Variants in HTR3B observed in about 807,000 individuals in gnomAD.
HTR3B encodes 5-hydroxytryptamine (serotonin) receptor 3B, ionotropic.
A neutral mutation model predicts 42.8 loss-of-function variants in HTR3B; 44 were observed. That is an observed-to-expected ratio of 1.03 (90% CI 0.81 to 1.32). The LOEUF is 1.32. Ranked by LOEUF, HTR3B falls within the 40% of genes most tolerant of loss-of-function variation. HTR3B has a pLI of 0.00. For synonymous variants in HTR3B, 203 were observed against 209.0 expected, an observed-to-expected ratio of 0.97 and a Z score of 0.25; for missense variants, 527 against 536.5, an observed-to-expected ratio of 0.98 and a Z score of 0.17.
intron 2 of HTR3B, among the ~76,000 whole-genome samples, chr11:113,928,651 C>T (rs1950000337): frequency 6.6e-6 from 1 of 152,172 alleles, no homozygotes. Flanking sequence ...ATTCTCCTGC[C>T]TCAGCCTCCC....
intron 3 of HTR3B, 78 bp downstream of exon 3, chr11:113,931,506 A>G: frequency 1.1e-6 from 1 of 899,248 alleles, no homozygotes. Flanking sequence ...TTTAAGAAAT[A>G]GGTATTATCT....
upstream of HTR3B, among the ~76,000 whole-genome samples, chr11:113,901,977 A>G (rs1226107040): frequency 1.3e-5 from 2 of 152,194 alleles, no homozygotes; most frequent in East Asian, 1.9e-4. Context: ...TTCATCCCAT[A>G]AGTAGAAGCT....
intron 2 of HTR3B, among the ~76,000 whole-genome samples, chr11:113,919,741 T>C (rs759579569): frequency 1.3e-5 from 2 of 151,790 alleles, no homozygotes; most frequent in Non-Finnish European, 2.9e-5. Context: ...GGCAGGAGAA[T>C]TGCTTGAACC....
rs1192920881 is a variant in HTR3B, at chr11:113,933,113, T to C, written c.696+20T>C. 2 of 1,605,698 alleles carry C rather than the reference T, an allele frequency of 1.2e-6. No homozygotes were observed. Among genetic ancestry groups the C allele is most frequent in the Non-Finnish European group, 1.7e-6 (2 of 1,174,500 alleles). Reference sequence around the variant, plus strand: ...TTTAATGTAGGTTCTTTACTACCTGTCCCCGTTGCCCGCTTCTCCCCAGCC... The same window carrying C: ...TTTAATGTAGGTTCTTTACTACCTGCCCCCGTTGCCCGCTTCTCCCCAGCC... On this transcript the variant is annotated intron_variant, in intron 6 of 8. Coordinates refer to ENST00000260191, the MANE Select transcript of HTR3B (RefSeq NM_006028.5).
chr11:113,907,173 T>C (rs1333074849), intron 1 of HTR3B, among the ~76,000 whole-genome samples: 3 of 152,192 alleles, frequency 2.0e-5, no homozygotes, highest in African/African-American at 7.2e-5. Context: ...CCTAACACAT[T>C]CTACTTTCCA....
chr11:113,908,526 A>C (rs1473604620), intron 1 of HTR3B, among the ~76,000 whole-genome samples: 1 of 152,178 alleles, frequency 6.6e-6, no homozygotes, highest in Non-Finnish European at 1.5e-5. Flanking sequence ...ATCTTTTTGC[A>C]ATTCAGAGAA....
intron 2 of HTR3B, among the ~76,000 whole-genome samples, chr11:113,922,737 A>G (rs540524008): frequency 4.6e-4 from 69 of 151,528 alleles, no homozygotes; most frequent in Non-Finnish European, 3.8e-4. Flanking sequence ...TTGTATTTTT[A>G]GTAGAGACGG....
intron 2 of HTR3B, among the ~76,000 whole-genome samples, chr11:113,924,802 CT>C (rs1385932891): frequency 6.6e-6 from 1 of 151,970 alleles, no homozygotes; most frequent in Non-Finnish European, 1.5e-5. Context: ...AAGGTTTTCA[CT>C]TTTTATACTA....
intron 3 of HTR3B, 148 bp downstream of exon 3, chr11:113,931,576 G>A (rs1490413475): frequency 1.4e-6 from 1 of 691,136 alleles, no homozygotes; most frequent in Non-Finnish European, 2.4e-6. Context: ...CATTTAAGAT[G>A]TATGGCCCTG....
rs146375175 is a variant in HTR3B at position 113,931,864 on chromosome 11, A to C, written c.365A>C (p.Glu122Ala). 1.5e-4 allele frequency: 235 copies of C among 1,546,280 alleles called. 1 individual carries two copies. The African/African-American group carries it at 2.6e-3, about 17-fold the overall frequency. The change falls in exon 4 of 9, where the codon GAG becomes GCG. Residue 122 changes from glutamate (E) to alanine (A), a missense_variant. Glu to Ala is a moderately radical substitution (Grantham distance 107). Transcript: ENST00000260191. The stretch of plus-strand genomic sequence containing the variant: ...TGGGCCCCCGATATCATCATCAATG[A>C]GTTGTAAGTGTGCCAGTGTGTATTT... The part of the protein sequence containing the change: ...AIWAPDIIIN[E>A]FVDIERYPDL...
intron 6 of HTR3B, among the ~76,000 whole-genome samples, chr11:113,938,335 A>G (rs569449353): frequency 6.6e-6 from 1 of 152,126 alleles, no homozygotes; most frequent in Admixed American, 6.6e-5. Context: ...GCATCATTCC[A>G]GTGTCAACTC....
chr11:113,917,647 G>A (rs748889638), intron 2 of HTR3B, among the ~76,000 whole-genome samples: 18 of 151,932 alleles, frequency 1.2e-4, no homozygotes, highest in Non-Finnish European at 2.2e-4. Context: ...ATTTTACTCT[G>A]TCTCCCAGGC....
intron 2 of HTR3B, among the ~76,000 whole-genome samples, chr11:113,911,164 G>GA (rs1565556364): frequency 6.6e-6 from 1 of 151,868 alleles, no homozygotes; most frequent in Non-Finnish European, 1.5e-5. Flanking sequence ...ATACATATGT[G>GA]GAAATACACA....
intron 8 of HTR3B, among the ~76,000 whole-genome samples, chr11:113,945,585 T>C (rs1007873761): frequency 1.3e-5 from 2 of 152,192 alleles, no homozygotes; most frequent in East Asian, 3.9e-4. Context: ...TGTGAACAAG[T>C]ATAAGAATCA....
intron 6 of HTR3B, among the ~76,000 whole-genome samples, chr11:113,942,587 TCA>T (rs1950144626): frequency 6.6e-6 from 1 of 152,248 alleles, no homozygotes; most frequent in Admixed American, 6.5e-5. Context: ...TCTTTGAAAC[TCA>T]GTTTCCTGGT....
chr11:113,940,271 A>G (rs1950123848), intron 6 of HTR3B, among the ~76,000 whole-genome samples: 1 of 152,024 alleles, frequency 6.6e-6, no homozygotes, highest in South Asian at 2.1e-4. Flanking sequence ...TCCCCTTTGT[A>G]TAGTATCTGC....
At chr11:113,945,655 C>A (rs17614942) in intron 8 of HTR3B, among the ~76,000 whole-genome samples, 9,823 of 152,282 alleles carry the variant, frequency 0.065, 383 homozygotes, top group African/African-American at 0.093. Flanking sequence ...CAGAAACTCT[C>A]CTGGACGGAT....
chr11:113,937,853 G>A (rs1457875195), intron 6 of HTR3B, among the ~76,000 whole-genome samples: 1 of 152,200 alleles, frequency 6.6e-6, no homozygotes, highest in Non-Finnish European at 1.5e-5. Flanking sequence ...CAAACTGGGT[G>A]GCTCAAAACA....
rs58093170 is a variant in HTR3B at position 113,946,340 on chromosome 11, G to GTAAATAAATAAA, written c.*234_*245dup. ...ACATAGTGAGACCACATCTCTACCA[G>GTAAATAAATAAA]TAAATAAATAAATAAATAAATAAAT... On this transcript the variant is annotated 3_prime_UTR_variant, in exon 9 of 9. Coordinates refer to ENST00000260191, the MANE Select transcript of HTR3B (RefSeq NM_006028.5). The GTAAATAAATAAA allele has an allele frequency of 1.8e-4, 42 of 235,934 alleles. No individual in the cohort carries two copies. Among genetic ancestry groups the GTAAATAAATAAA allele is most frequent in the South Asian group, 3.8e-4 (5 of 13,040 alleles). The allele number at this position is 235,934 out of a possible 1,614,324, so 14.6% of individuals were successfully genotyped here.
Sources: allele counts gnomAD v4.1 joint callset (sites outside exome capture counted in the v4.1 genomes callset), GRCh38; gene constraint gnomAD v4.1.1; transcripts MANE v1.5; gene names NCBI Gene and HGNC (gene_info 2026-07-23, HGNC 2026-07-21).